The following ZRANB3 variants were observed in gnomAD, a reference collection of about 807,000 sequenced individuals.
ZRANB3 encodes DNA annealing helicase and endonuclease ZRANB3.
ZRANB3 carries 125 observed loss-of-function variants against 133.8 expected under a neutral mutation model. The ratio of observed to expected loss-of-function variants is 0.93; its 90% CI spans 0.81 to 1.08. ZRANB3 has a LOEUF of 1.08. Among genes scored for constraint, ZRANB3 ranks in the 50% least tolerant of loss-of-function variants. The probability of loss-of-function intolerance (pLI) is 0.00; values close to 1 mark genes in which losing one functional copy is unlikely to be tolerated. For synonymous variants in ZRANB3, 387 were observed against 432.7 expected, an observed-to-expected ratio of 0.89 and a Z score of 1.31; for missense variants, 1,229 against 1,275.5, an observed-to-expected ratio of 0.96 and a Z score of 0.56.
At chr2:135,250,477 T>C (rs1168775920) in intron 12 of ZRANB3, among the ~76,000 whole-genome samples, 1 of 152,192 alleles carries the variant, frequency 6.6e-6, no homozygotes, top group Non-Finnish European at 1.5e-5. Flanking sequence ...CTCTAGGCCA[T>C]GTCACAGACC....
chr2:135,499,847 C>G (rs183839856), intron 2 of ZRANB3, among the ~76,000 whole-genome samples: 3 of 152,076 alleles, frequency 2.0e-5, no homozygotes, highest in African/African-American at 7.2e-5. Flanking sequence ...GAAGTTCAAA[C>G]CCCCAGTACC....
intron 2 of ZRANB3, among the ~76,000 whole-genome samples, chr2:135,426,613 A>T (rs1168350082): frequency 6.6e-6 from 1 of 151,468 alleles, no homozygotes; most frequent in African/African-American, 2.4e-5. Flanking sequence ...GCGGATCACG[A>T]GGTCAGGAGA....
At chr2:135,431,109 TAA>T (rs1287289398) in intron 2 of ZRANB3, among the ~76,000 whole-genome samples, 5 of 134,844 alleles carry the variant, frequency 3.7e-5, no homozygotes, top group Non-Finnish European at 1.6e-5. Flanking sequence ...ACTCTATCCC[TAA>T]AAAAAAAAAA....
chr2:135,516,590 T>C (rs760219075), intron 1 of ZRANB3, among the ~76,000 whole-genome samples: 19 of 152,204 alleles, frequency 1.2e-4, no homozygotes, highest in Non-Finnish European at 2.6e-4. Flanking sequence ...TGACGAATAT[T>C]GGACCCCACT....
At chr2:135,405,889 C>T (rs1018610804) in intron 2 of ZRANB3, among the ~76,000 whole-genome samples, 1 of 151,834 alleles carries the variant, frequency 6.6e-6, no homozygotes, top group African/African-American at 2.4e-5. Flanking sequence ...AAATTGACAC[C>T]CTAACATCAC....
chr2:135,356,814 C>T (rs993755996), intron 3 of ZRANB3, among the ~76,000 whole-genome samples: 2 of 151,864 alleles, frequency 1.3e-5, no homozygotes, highest in Admixed American at 1.3e-4. Flanking sequence ...AAGCAATCCT[C>T]CTAGCTCAGC....
chr2:135,453,998 G>A (rs1278545509), intron 2 of ZRANB3, among the ~76,000 whole-genome samples: 1 of 152,194 alleles, frequency 6.6e-6, no homozygotes, highest in South Asian at 2.1e-4. Flanking sequence ...CACATGACTG[G>A]GGAGGCCTCA....
intron 2 of ZRANB3, among the ~76,000 whole-genome samples, chr2:135,449,394 C>G (rs537208625): frequency 2.0e-5 from 3 of 152,076 alleles, no homozygotes; most frequent in Non-Finnish European, 4.4e-5. Context: ...CCAAGGTGGG[C>G]GGATCACCTG....
chr2:135,250,732 G>T (rs1350696182), intron 12 of ZRANB3, among the ~76,000 whole-genome samples: 1 of 152,242 alleles, frequency 6.6e-6, no homozygotes, highest in Admixed American at 6.5e-5. Flanking sequence ...GTCAAGAATT[G>T]AAGTTTGGGA....
intron 6 of ZRANB3, among the ~76,000 whole-genome samples, chr2:135,329,497 C>T (rs1173644920): frequency 6.6e-6 from 1 of 152,188 alleles, no homozygotes; most frequent in African/African-American, 2.4e-5. Flanking sequence ...TGGCATAATG[C>T]CTCCAGCTTT....
rs1339476079 is a variant in ZRANB3, at chr2:135,275,486, TTAATA to T, written c.1086+145_1086+149del. On this transcript the variant is annotated intron_variant, in intron 9 of 20. Transcript: ENST00000264159. ...AGTATATAATCATCATCATATAATA[TTAATA>T]TAATTTTCAAGAAAAATGTGTGATA... is the stretch of plus-strand genomic sequence containing the variant. The T allele has an allele frequency of 3.5e-5, 17 of 490,656 alleles. No individual in the cohort carries two copies. In the Admixed American group the frequency reaches 3.9e-4, roughly 11 times the overall value. The allele number at this position is 490,656 out of a possible 1,614,324, so 30.4% of individuals were successfully genotyped here. A position where few individuals can be genotyped will look rare whatever the true frequency, so the allele number is the denominator to read the frequency against.
chr2:135,405,034 A>G (rs886139850), intron 2 of ZRANB3, among the ~76,000 whole-genome samples: 1 of 152,216 alleles, frequency 6.6e-6, no homozygotes, highest in African/African-American at 2.4e-5. Context: ...CAAATTGGAT[A>G]AAGAGTCAAG....
At chr2:135,344,749 A>T (rs1217880847) in intron 6 of ZRANB3, among the ~76,000 whole-genome samples, 3 of 152,204 alleles carry the variant, frequency 2.0e-5, no homozygotes, top group African/African-American at 7.2e-5. Context: ...TGAAAAAAAT[A>T]TGATAAAATA....
intron 6 of ZRANB3, among the ~76,000 whole-genome samples, chr2:135,317,653 A>C (rs1228812438): frequency 1.3e-5 from 2 of 152,210 alleles, no homozygotes; most frequent in Non-Finnish European, 2.9e-5. Context: ...AAGTCTGAGC[A>C]ATCTATTTTC....
chr2:135,523,706 A>G (rs1574253446), intron 1 of ZRANB3, among the ~76,000 whole-genome samples: 1 of 152,242 alleles, frequency 6.6e-6, no homozygotes, highest in Non-Finnish European at 1.5e-5. Context: ...TAATCTGCCC[A>G]AGGTAACACA....
intron 8 of ZRANB3, among the ~76,000 whole-genome samples, chr2:135,288,373 G>C (rs1444277783): frequency 6.6e-6 from 1 of 152,136 alleles, no homozygotes; most frequent in African/African-American, 2.4e-5. Context: ...GTGTTCATTA[G>C]AAATATTGGT....
At chr2:135,345,055 A>G (rs1234673682) in intron 6 of ZRANB3, 9 of 152,384 alleles carry the variant, frequency 5.9e-5, no homozygotes, top group Admixed American at 5.9e-4. Context: ...ATGTAAATCT[A>G]GCCAATAAAA....
intron 2 of ZRANB3, among the ~76,000 whole-genome samples, chr2:135,477,384 C>T (rs929454878): frequency 6.6e-6 from 1 of 152,202 alleles, no homozygotes; most frequent in African/African-American, 2.4e-5. Flanking sequence ...CCCTTGACAA[C>T]CAGCTTCTAA....
At chr2:135,273,826 C>T (rs544912433) in intron 9 of ZRANB3, among the ~76,000 whole-genome samples, 29 of 152,036 alleles carry the variant, frequency 1.9e-4, no homozygotes, top group Middle Eastern at 3.2e-3. Flanking sequence ...TGTGAGCCAC[C>T]GCACCTGGCC....
Sources: gnomAD v4.1 joint callset for allele counts (sites outside exome capture counted in the v4.1 genomes callset) on GRCh38, gnomAD v4.1.1 for gene constraint, MANE v1.5 for transcripts, NCBI Gene and HGNC (gene_info 2026-07-23, HGNC 2026-07-21) for gene names.